CCND2: variants seen among roughly 807,000 people sequenced by gnomAD.
The protein encoded by CCND2 is cyclin D2, also known as G1/S-specific cyclin-D2.
In CCND2, 6 loss-of-function variants were observed where a neutral mutation model predicts 30.2. That is an observed-to-expected ratio of 0.20 (90% CI 0.11 to 0.39). The LOEUF is 0.39. Ranked by LOEUF, CCND2 falls within the 10% of genes least tolerant of loss-of-function variation. The pLI is 1.00. For synonymous variants in CCND2, 150 were observed against 153.1 expected (o/e 0.98, Z 0.15); for missense variants, 235 against 373.4 (o/e 0.63, Z 3.06).
chr12:4,290,327 A>G (rs1864082388), intron 4 of CCND2, among the ~76,000 whole-genome samples: 1 of 152,172 alleles, frequency 6.6e-6, no homozygotes, highest in African/African-American at 2.4e-5. Context: ...GGCTCCAAAC[A>G]TACGCTTTTT....
At position 4,287,939 on chromosome 12, in the gene CCND2, G is replaced by A. The variant is rs1864045768; in HGVS notation, c.572-903G>A. 6.6e-6 allele frequency among the ~76,000 whole-genome samples: 1 copy of A among 152,264 alleles called. No homozygotes were observed. Among genetic ancestry groups the A allele is most frequent in the Admixed American group, 6.5e-5 (1 of 15,298 alleles). On this transcript the variant is annotated intron_variant, in intron 3 of 4. Transcript: ENST00000261254. This position sits in a 1 kb window ranked among gnomAD's most constrained non-coding sequence, Gnocchi z 4.0. The stretch of plus-strand genomic sequence containing the variant: ...CAGTGGACGGGGTTCAAGCCCCTCT[G>A]ATTTATTATCCTCATTCTGCACTTC...
At chr12:4,284,820 C>T (rs1016696634) in intron 3 of CCND2, among the ~76,000 whole-genome samples, 3 of 150,336 alleles carry the variant, frequency 2.0e-5, no homozygotes, top group Non-Finnish European at 4.4e-5. Flanking sequence ...ACTGCAACCT[C>T]CAACTCCCGG....
chr12:4,299,959 G>T lies in CCND2; in HGVS notation c.820G>T (p.Glu274Ter). ...ACGTGACGGATCCAAGTCGGAGGAT[G>T]AACTGGACCAAGCCAGCACCCCTAC... ...DQRDGSKSED[E>*]LDQASTPTDV... Residue 274 changes from glutamate (E) to a stop codon, truncating the protein, a stop_gained, in exon 5 of 5, where the codon GAA becomes TAA. Transcript: ENST00000261254. LOFTEE classifies it high-confidence loss of function. The surrounding 1 kb of genome is among the most constrained non-coding windows in gnomAD (Gnocchi z 5.2). The T allele has an allele frequency of 6.2e-7, 1 of 1,614,156 alleles. No individual in the cohort carries two copies. The highest frequency in any genetic ancestry group is 8.5e-7 in the Non-Finnish European group (1 of 1,180,028).
rs3217805 is a variant in CCND2, at chr12:4,278,918, C to T, written c.570C>T (p.Thr190=). 11 of 1,608,908 alleles carry T rather than the reference C, an allele frequency of 6.8e-6. No individual in the cohort carries two copies. Among genetic ancestry groups the T allele is most frequent in the South Asian group, 3.3e-5 (3 of 90,952 alleles). The change falls in exon 3 of 5, where the codon ACC becomes ACT. Residue 190 remains threonine, a splice_region_variant and synonymous_variant. Coordinates refer to ENST00000261254, the MANE Select transcript of CCND2 (RefSeq NM_001759.4). The part of the protein sequence containing the change: ...HAQTFIALCA[T]DFKFAMYPPS... ...AGACCTTCATTGCTCTGTGTGCCAC[C>T]GGTAAGATGAGGCTTGAGCCGGGGA...
chr12:4,273,944 A>C lies in CCND2; in HGVS notation c.-97A>C, dbSNP rs940157222. 1.6e-5 allele frequency: 19 copies of C among 1,208,750 alleles called. No individual in the cohort carries two copies. The highest frequency in any genetic ancestry group is 2.1e-5 in the Non-Finnish European group (18 of 872,922). 74.9% of individuals were successfully genotyped at this position (1,208,750 alleles called of 1,614,324 possible). On this transcript the variant is annotated 5_prime_UTR_variant, in exon 1 of 5. Transcript: ENST00000261254. This position sits in a 1 kb window ranked among gnomAD's most constrained non-coding sequence, Gnocchi z 5.9. Reference sequence around the variant, plus strand: ...CCTATTTAGCCAAAGGAAGGAGGTCAGGGGAACGCTCTCCCCTCCCCTTCC... The same window carrying C: ...CCTATTTAGCCAAAGGAAGGAGGTCCGGGGAACGCTCTCCCCTCCCCTTCC...
At chr12:4,294,347 G>A (rs1223009409) in intron 4 of CCND2, among the ~76,000 whole-genome samples, 3 of 152,088 alleles carry the variant, frequency 2.0e-5, no homozygotes, top group South Asian at 2.1e-4. Context: ...GACCGCCAGC[G>A]CGGTAGGGTA....
rs930599995 is a variant in CCND2 at position 4,304,034 on chromosome 12, C to G, written c.*4025C>G. On this transcript the variant is annotated 3_prime_UTR_variant, in exon 5 of 5. Coordinates refer to ENST00000261254, the MANE Select transcript of CCND2 (RefSeq NM_001759.4). This position sits in a 1 kb window ranked among gnomAD's most constrained non-coding sequence, Gnocchi z 6.2. ...GCAGTCTAGCACCTCTAGGGCCTCTCCAGACTGTGCCCTGGGAGCTCTGGG... is the reference window on the plus strand; with the variant it reads ...GCAGTCTAGCACCTCTAGGGCCTCTGCAGACTGTGCCCTGGGAGCTCTGGG... 2 of 233,186 alleles carry G rather than the reference C, an allele frequency of 8.6e-6. No homozygotes were observed. The highest frequency in any genetic ancestry group is 1.7e-5 in the Non-Finnish European group (2 of 118,100). 14.4% of individuals were successfully genotyped at this position (233,186 alleles called of 1,614,324 possible).
chr12:4,291,146 G>A (rs1228224856), intron 4 of CCND2, among the ~76,000 whole-genome samples: 1 of 151,460 alleles, frequency 6.6e-6, no homozygotes, highest in Non-Finnish European at 1.5e-5. Flanking sequence ...GCACCCCGGA[G>A]GCTGGTTCGC....
intron 4 of CCND2, among the ~76,000 whole-genome samples, chr12:4,297,386 T>G (rs1864185325): frequency 6.6e-6 from 1 of 151,728 alleles, no homozygotes; most frequent in African/African-American, 2.4e-5. Context: ...GCCTGGCCAA[T>G]CTGGTGAAAT....
intron 4 of CCND2, among the ~76,000 whole-genome samples, chr12:4,289,559 A>G (rs1864069621): frequency 6.6e-6 from 1 of 152,232 alleles, no homozygotes; most frequent in Non-Finnish European, 1.5e-5. Flanking sequence ...GTGCCATACA[A>G]ACTCAAGAAA....
rs1863878916 is a variant in CCND2, at chr12:4,276,709, A to G, written c.411+489A>G. ...CCAACACATAATAGCTGTTCACTAA[A>G]TATCAGTTCATTGACTTTTGAGCAA... On this transcript the variant is annotated intron_variant, in intron 2 of 4. Coordinates refer to ENST00000261254, the MANE Select transcript of CCND2 (RefSeq NM_001759.4). The surrounding 1 kb of genome is among the most constrained non-coding windows in gnomAD (Gnocchi z 4.8). 6.6e-6 allele frequency among the ~76,000 whole-genome samples: 1 copy of G among 152,230 alleles called. No individual in the cohort carries two copies. Among genetic ancestry groups the G allele is most frequent in the Admixed American group, 6.5e-5 (1 of 15,288 alleles).
intron 4 of CCND2, among the ~76,000 whole-genome samples, chr12:4,292,108 CATT>C (rs141900388): frequency 5.3e-5 from 8 of 152,116 alleles, no homozygotes; most frequent in African/African-American, 1.7e-4. Context: ...GGAAATTTGA[CATT>C]ATGTGTATTT....
chr12:4,281,256 T>C (rs1863943790), intron 3 of CCND2, among the ~76,000 whole-genome samples: 1 of 152,230 alleles, frequency 6.6e-6, no homozygotes. Context: ...TTCCCTCATC[T>C]GCACTTGGGT....
intron 4 of CCND2, among the ~76,000 whole-genome samples, chr12:4,290,512 C>G (rs1407960855): frequency 1.3e-5 from 2 of 152,184 alleles, no homozygotes; most frequent in Non-Finnish European, 2.9e-5. Context: ...GGACTCTCAG[C>G]CAGTTTAAGA....
In CCND2 at chr12:4,273,940, G is replaced by A. The variant is rs1423303811; in HGVS notation, c.-101G>A. 2.6e-6 allele frequency: 3 copies of A among 1,164,312 alleles called. No individual in the cohort carries two copies. The African/African-American group carries it at 4.6e-5, about 18-fold the overall frequency. The allele number at this position is 1,164,312 out of a possible 1,614,324, so 72.1% of individuals were successfully genotyped here. A position where few individuals can be genotyped will look rare whatever the true frequency, so the allele number is the denominator to read the frequency against. On this transcript the variant is annotated 5_prime_UTR_variant, in exon 1 of 5. Transcript: ENST00000261254. This position sits in a 1 kb window ranked among gnomAD's most constrained non-coding sequence, Gnocchi z 5.9. Reference sequence around the variant, plus strand: ...ACCCCCTATTTAGCCAAAGGAAGGAGGTCAGGGGAACGCTCTCCCCTCCCC... The same window carrying A: ...ACCCCCTATTTAGCCAAAGGAAGGAAGTCAGGGGAACGCTCTCCCCTCCCC...
At chr12:4,275,902 A>T (rs986579422) in intron 1 of CCND2, 103 bp from the exon 2 acceptor site, 12 of 754,044 alleles carry the variant, frequency 1.6e-5, no homozygotes, top group African/African-American at 7.0e-5. Context: ...AAAAAAATTA[A>T]TTTTTTTTGT....
chr12:4,285,506 G>T lies in CCND2; in HGVS notation c.572-3336G>T, dbSNP rs1365667622. On this transcript the variant is annotated intron_variant, in intron 3 of 4. Coordinates refer to ENST00000261254, the MANE Select transcript of CCND2 (RefSeq NM_001759.4). The surrounding 1 kb of genome is among the most constrained non-coding windows in gnomAD (Gnocchi z 4.1). ...TCATCTGTGTTTCTCCCACCTAACA[G>T]AACAGCTTTTATTTTCCGTGCATCC... The T allele has an allele frequency of 1.3e-6, 1 of 779,294 alleles. No homozygotes were observed. The highest frequency in any genetic ancestry group is 1.9e-5 in the African/African-American group (1 of 53,040). The allele number at this position is 779,294 out of a possible 1,614,324, so 48.3% of individuals were successfully genotyped here. A position where few individuals can be genotyped will look rare whatever the true frequency, so the allele number is the denominator to read the frequency against.
intron 4 of CCND2, among the ~76,000 whole-genome samples, chr12:4,290,963 C>T (rs754370711): frequency 6.6e-5 from 10 of 152,166 alleles, no homozygotes; most frequent in South Asian, 2.1e-4. Context: ...CTATAATGGG[C>T]ACACGCCGTG....
intron 2 of CCND2, among the ~76,000 whole-genome samples, chr12:4,277,335 G>A (rs1161180101): frequency 6.6e-6 from 1 of 152,214 alleles, no homozygotes; most frequent in Non-Finnish European, 1.5e-5. Flanking sequence ...AGGAAGGGCT[G>A]GCATTTCAAG....
Sources: allele counts gnomAD v4.1 joint callset (sites outside exome capture counted in the v4.1 genomes callset), GRCh38; gene constraint gnomAD v4.1.1; non-coding constraint Gnocchi (gnomAD v3.1); transcripts MANE v1.5; gene names NCBI Gene and HGNC (gene_info 2026-07-23, HGNC 2026-07-21).